The following SPTLC2 variants were observed in gnomAD, a reference collection of about 807,000 sequenced individuals.
The protein encoded by SPTLC2 is serine palmitoyltransferase long chain base subunit 2, also known as serine palmitoyltransferase 2.
Under a neutral mutation model 62.0 loss-of-function variants are expected in SPTLC2, and 21 were observed. The ratio of observed to expected loss-of-function variants is 0.34; its 90% CI spans 0.24 to 0.49. SPTLC2 has a LOEUF of 0.49. Among genes scored for constraint, SPTLC2 ranks in the 20% least tolerant of loss-of-function variants. SPTLC2 has a pLI of 0.99. For missense variants in SPTLC2, 511 were observed against 713.0 expected (o/e 0.72, Z 3.23); for synonymous variants, 261 against 261.8 (o/e 1.00, Z 0.03).
chr14:77,615,396 T>C (rs914045821), intron 1 of SPTLC2, among the ~76,000 whole-genome samples: 11 of 152,212 alleles, frequency 7.2e-5, no homozygotes, highest in African/African-American at 1.9e-4. Context: ...GGAGTAGTTA[T>C]GTTAAAGCCA....
chr14:77,534,015 A>G (rs1286374671), intron 9 of SPTLC2, among the ~76,000 whole-genome samples: 2 of 151,988 alleles, frequency 1.3e-5, no homozygotes, highest in Non-Finnish European at 2.9e-5. Flanking sequence ...AAAAATTACC[A>G]GGTGTGGTGA....
chr14:77,559,489 G>T (rs1475874129), intron 6 of SPTLC2, among the ~76,000 whole-genome samples: 1 of 152,196 alleles, frequency 6.6e-6, no homozygotes, highest in East Asian at 1.9e-4. Context: ...ATCTGAGAAT[G>T]AGGAGGGTAT....
At chr14:77,527,739 T>C (rs2079416354) in intron 9 of SPTLC2, among the ~76,000 whole-genome samples, 7 of 40,534 alleles carry the variant, frequency 1.7e-4, no homozygotes, top group African/African-American at 5.0e-4. Context: ...CAAGACTGCT[T>C]TTTTTTTTGT....
At chr14:77,586,391 T>A (rs1595006312) in intron 2 of SPTLC2, among the ~76,000 whole-genome samples, 1 of 152,188 alleles carries the variant, frequency 6.6e-6, no homozygotes, top group South Asian at 2.1e-4. Context: ...ATAATTTTTT[T>A]AAAGGTAAAT....
intron 2 of SPTLC2, among the ~76,000 whole-genome samples, chr14:77,588,996 C>CAAAAAAAAAAAAAAAAAAAAAAAAAA (rs60536883): frequency 1.3e-5 from 1 of 74,628 alleles, no homozygotes; most frequent in Non-Finnish European, 2.4e-5. Flanking sequence ...GACCTTGTCT[C>CAAAAAAAAAAAAAAAAAAAAAAAAAA]AAAAAAAAAA....
chr14:77,525,247 T>C (rs963363632), intron 9 of SPTLC2, among the ~76,000 whole-genome samples: 1 of 152,054 alleles, frequency 6.6e-6, no homozygotes, highest in Non-Finnish European at 1.5e-5. Flanking sequence ...ACTGCACCTG[T>C]AAACAGCCAC....
At chr14:77,546,457 G>A (rs2079528224) in intron 9 of SPTLC2, among the ~76,000 whole-genome samples, 2 of 152,166 alleles carry the variant, frequency 1.3e-5, no homozygotes, top group South Asian at 4.1e-4. Context: ...AACTTAGCTG[G>A]TTTAAGGAAG....
Position 77,508,647 on chromosome 14 carries a change from C to T in SPTLC2, c.*3637G>A, listed in dbSNP as rs1063271. The T allele has an allele frequency of 0.75, 114,484 of 152,172 alleles. 44,755 individuals carry two copies. Among genetic ancestry groups the T allele is most frequent in the East Asian group, 0.97 (5,045 of 5,184 alleles). The allele number at this position is 152,172 out of a possible 1,614,324, so 9.4% of individuals were successfully genotyped here. On this transcript the variant is annotated 3_prime_UTR_variant, in exon 12 of 12. Transcript: ENST00000216484. The stretch of plus-strand genomic sequence containing the variant: ...AAGCCACTCATCCCCCTGGTTTTCA[C>T]CAATAAGAAGGAAGCAAAGTGTATA...
At chr14:77,589,788 T>TA (rs1312179243) in intron 2 of SPTLC2, among the ~76,000 whole-genome samples, 39 of 95,930 alleles carry the variant, frequency 4.1e-4, no homozygotes, top group Non-Finnish European at 1.4e-4. Flanking sequence ...AGAGTCCGTC[T>TA]CCACACACAC....
chr14:77,557,113 G>A lies in SPTLC2; in HGVS notation c.884C>T (p.Ala295Val). The A allele has an allele frequency of 1.9e-6, 3 of 1,613,732 alleles. No homozygotes were observed. Among genetic ancestry groups the A allele is most frequent in the East Asian group, 2.2e-5 (1 of 44,880 alleles). The change falls in exon 7 of 12, where the codon GCC becomes GTC. Residue 295 changes from alanine to valine, a missense_variant. By Grantham distance (64) the Ala-to-Val change is moderately conservative. Transcript: ENST00000216484. ...MQSLEKLLKD[A>V]IVYGQPRTRR... ...TGTCCGAGGCTGACCATAAACAATG[G>A]CATCTTTCAATAGCTTCTCTAGGCT... is the stretch of plus-strand genomic sequence containing the variant.
At position 77,555,002 on chromosome 14, in the gene SPTLC2, C is replaced by A. The variant is rs1281232315; in HGVS notation, c.1176+298G>T. The A allele has an allele frequency of 3.2e-5, 13 of 404,344 alleles. No individual in the cohort carries two copies. In the East Asian group the frequency reaches 6.9e-4, roughly 21 times the overall value. 25.0% of individuals were successfully genotyped at this position (404,344 alleles called of 1,614,324 possible). ...AACTGTGAGCACAATGCAAACCCAA[C>A]AGAAGGCTGGGGCGGGCAGGGAGCA... On this transcript the variant is annotated intron_variant, in intron 8 of 11. Coordinates refer to ENST00000216484, the MANE Select transcript of SPTLC2 (RefSeq NM_004863.4).
chr14:77,609,753 T>C (rs993923280), intron 1 of SPTLC2, among the ~76,000 whole-genome samples: 7 of 151,854 alleles, frequency 4.6e-5, no homozygotes, highest in Middle Eastern at 3.4e-3. Flanking sequence ...TTGCCACTCA[T>C]GGTGGCATAT....
chr14:77,536,062 T>A (rs1289910241), intron 9 of SPTLC2: 6 of 415,672 alleles, frequency 1.4e-5, no homozygotes. Flanking sequence ...GCAAAAAGGC[T>A]AAAAACTGTG....
At chr14:77,575,766 C>T (rs1246820500) in intron 4 of SPTLC2, among the ~76,000 whole-genome samples, 1 of 152,228 alleles carries the variant, frequency 6.6e-6, no homozygotes, top group African/African-American at 2.4e-5. Flanking sequence ...CTCCTGGCCT[C>T]AGCTGATCTT....
chr14:77,534,172 TCTCTCTCACACACA>T (rs1424451519), intron 9 of SPTLC2, among the ~76,000 whole-genome samples: 2 of 90,920 alleles, frequency 2.2e-5, no homozygotes, highest in African/African-American at 7.9e-5. Context: ...TCTTTCTCTC[TCTCTCTCACACACA>T]CACACACACA....
At chr14:77,554,274 G>C (rs746878969) in intron 8 of SPTLC2, among the ~76,000 whole-genome samples, 1 of 152,082 alleles carries the variant, frequency 6.6e-6, no homozygotes, top group Non-Finnish European at 1.5e-5. Flanking sequence ...TGTGATATAA[G>C]CCACATACAC....
chr14:77,548,638 C>T (rs1488908017), intron 9 of SPTLC2, among the ~76,000 whole-genome samples: 1 of 152,186 alleles, frequency 6.6e-6, no homozygotes, highest in African/African-American at 2.4e-5. Context: ...ATCCTGGCAG[C>T]ACAATTCCCA....
chr14:77,536,165 G>C (rs914698222), intron 9 of SPTLC2, among the ~76,000 whole-genome samples: 1 of 152,160 alleles, frequency 6.6e-6, no homozygotes, highest in Non-Finnish European at 1.5e-5. Flanking sequence ...ACTTGAACTA[G>C]AATATTAAAA....
chr14:77,589,096 C>A (rs1309123461), intron 2 of SPTLC2, among the ~76,000 whole-genome samples: 1 of 147,546 alleles, frequency 6.8e-6, no homozygotes, highest in Non-Finnish European at 1.5e-5. Flanking sequence ...TTTTATAAAC[C>A]AATAATTCTG....
Sources: allele counts gnomAD v4.1 joint callset (sites outside exome capture counted in the v4.1 genomes callset), GRCh38; gene constraint gnomAD v4.1.1; transcripts MANE v1.5; gene names NCBI Gene and HGNC (gene_info 2026-07-23, HGNC 2026-07-21).